TUSC3: variants seen among roughly 807,000 people sequenced by gnomAD.
The protein encoded by TUSC3 is tumor suppressor candidate 3, also known as dolichyl-diphosphooligosaccharide--protein glycosyltransferase subunit TUSC3.
TUSC3 carries 45 observed loss-of-function variants against 44.8 expected under a neutral mutation model. The observed-to-expected ratio is 1.00, with a 90% confidence interval of 0.79 to 1.29. The LOEUF (loss-of-function observed/expected upper bound fraction) is 1.29, where lower values mean the gene tolerates loss of function less well. TUSC3 is among the 50% of genes most tolerant of loss of function. The pLI is 0.00. For missense variants in TUSC3, 519 were observed against 437.9 expected, an observed-to-expected ratio of 1.19 and a Z score of -1.65; for synonymous variants, 212 against 152.9, an observed-to-expected ratio of 1.39 and a Z score of -2.85.
At chr8:15,586,270 A>T (rs1403387378) in intron 1 of TUSC3, among the ~76,000 whole-genome samples, 4 of 152,150 alleles carry the variant, frequency 2.6e-5, no homozygotes, top group Non-Finnish European at 5.9e-5. Flanking sequence ...CAAACAGCTT[A>T]CCTTTGAGAG....
chr8:15,751,989 C>T, intron 9 of TUSC3, among the ~76,000 whole-genome samples: 1 of 152,090 alleles, frequency 6.6e-6, no homozygotes, highest in East Asian at 1.9e-4. Context: ...TTGTTAAATG[C>T]TTTATAGACA....
intron 6 of TUSC3, among the ~76,000 whole-genome samples, chr8:15,719,305 A>G (rs1810198512): frequency 6.6e-6 from 1 of 151,628 alleles, no homozygotes; most frequent in African/African-American, 2.4e-5. Flanking sequence ...TTCCCCCAGA[A>G]TCCATGTGAC....
chr8:15,519,528 C>G (rs549885348), intron 2 of TUSC3, among the ~76,000 whole-genome samples: 118 of 152,214 alleles, frequency 7.8e-4, no homozygotes, highest in African/African-American at 2.7e-3. Context: ...GCATTATGAC[C>G]TGGGCTCCTC....
chr8:15,590,457 C>G (rs17121681), intron 1 of TUSC3, among the ~76,000 whole-genome samples: 3,147 of 152,154 alleles, frequency 0.021, 95 homozygotes, highest in African/African-American at 0.07. Context: ...ACTTTCTTCT[C>G]TCTCCCAGCA....
chr8:15,482,793 A>G (rs1160906588), intron 1 of TUSC3, among the ~76,000 whole-genome samples: 3 of 152,228 alleles, frequency 2.0e-5, no homozygotes, highest in Non-Finnish European at 4.4e-5. Flanking sequence ...ATGGGAAAAA[A>G]TAGGAAAAAT....
At chr8:15,472,487 T>A (rs1047410966) in intron 1 of TUSC3, among the ~76,000 whole-genome samples, 1 of 152,198 alleles carries the variant, frequency 6.6e-6, no homozygotes, top group Non-Finnish European at 1.5e-5. Context: ...TTTCTTCCAT[T>A]AGAGGGAAAA....
intron 2 of TUSC3, among the ~76,000 whole-genome samples, chr8:15,515,746 C>T (rs912521699): frequency 6.6e-6 from 1 of 152,108 alleles, no homozygotes; most frequent in Non-Finnish European, 1.5e-5. Context: ...CGGCCCACTG[C>T]AACCTCTCCC....
At chr8:15,723,459 T>G (rs1028707061) in intron 6 of TUSC3, among the ~76,000 whole-genome samples, 2 of 152,196 alleles carry the variant, frequency 1.3e-5, no homozygotes, top group African/African-American at 4.8e-5. Context: ...GCACAAGATA[T>G]GTGCAGCCTC....
the TUSC3 span, among the ~76,000 whole-genome samples, chr8:15,811,659 T>C: frequency 2.6e-5 from 4 of 152,216 alleles, no homozygotes; most frequent in African/African-American, 9.6e-5. Flanking sequence ...AATTGACCTA[T>C]GAATTCAATT....
At chr8:15,846,965 G>A in the TUSC3 span, among the ~76,000 whole-genome samples, 1 of 151,838 alleles carries the variant, frequency 6.6e-6, no homozygotes, top group Non-Finnish European at 1.5e-5. Flanking sequence ...CACTCCACAG[G>A]CATGCCTAAC....
chr8:15,754,096 A>G lies in TUSC3; in HGVS notation c.1029-3695A>G, dbSNP rs1345580305. Among the ~76,000 whole-genome samples, 9 of 152,072 alleles carry G rather than the reference A, an allele frequency of 5.9e-5. No homozygotes were observed. The East Asian group carries it at 1.2e-3, about 20-fold the overall frequency. On this transcript the variant is annotated intron_variant, in intron 9 of 10. Coordinates refer to ENST00000503731, the MANE Select transcript of TUSC3 (RefSeq NM_006765.4). ...ACCAGCATTATATGACATGTTTTAAAAACTACTCACATCAGATAAAGGCAG... is the reference window on the plus strand; with the variant it reads ...ACCAGCATTATATGACATGTTTTAAGAACTACTCACATCAGATAAAGGCAG...
At chr8:15,663,685 CTT>C (rs1311429188) in intron 5 of TUSC3, among the ~76,000 whole-genome samples, 1 of 151,846 alleles carries the variant, frequency 6.6e-6, no homozygotes, top group African/African-American at 2.4e-5. Flanking sequence ...TGTTTTCTCA[CTT>C]TTGATGAATG....
intron 3 of TUSC3, among the ~76,000 whole-genome samples, chr8:15,656,400 A>G (rs767293027): frequency 1.3e-4 from 20 of 152,220 alleles, no homozygotes; most frequent in Non-Finnish European, 2.5e-4. Flanking sequence ...CAGGCATTGA[A>G]TAGACATTCC....
Position 15,757,815 on chromosome 8 carries a change from T to G in TUSC3, c.*6T>G, listed in dbSNP as rs199592673. The G allele has an allele frequency of 7.1e-7, 1 of 1,413,018 alleles. No homozygotes were observed. Among genetic ancestry groups the G allele is most frequent in the Non-Finnish European group, 1.0e-6 (1 of 996,742 alleles). 87.5% of individuals were successfully genotyped at this position (1,413,018 alleles called of 1,614,324 possible). A position where few individuals can be genotyped will look rare whatever the true frequency, so the allele number is the denominator to read the frequency against. On this transcript the variant is annotated 3_prime_UTR_variant, in exon 10 of 11. Transcript: ENST00000503731. ...GTGATCTGGACTTTGAGTGAGAAGA[T>G]GTGATTTGGACCATGGCACTTAAAA...
chr8:15,553,830 G>A (rs1802138835), intron 1 of TUSC3, among the ~76,000 whole-genome samples: 1 of 151,722 alleles, frequency 6.6e-6, no homozygotes, highest in Non-Finnish European at 1.5e-5. Context: ...AAGGTAGGAG[G>A]AAGGAATGGG....
chr8:15,462,455 G>C (rs960885798), intron 1 of TUSC3, among the ~76,000 whole-genome samples: 1 of 152,024 alleles, frequency 6.6e-6, no homozygotes, highest in Non-Finnish European at 1.5e-5. Flanking sequence ...ATTGCCCATG[G>C]TGGCAGAGTC....
chr8:15,816,171 G>A, the TUSC3 span, among the ~76,000 whole-genome samples: 2 of 152,130 alleles, frequency 1.3e-5, no homozygotes, highest in African/African-American at 4.8e-5. Flanking sequence ...GCTTCTATAA[G>A]GCTCTGTCTT....
chr8:15,678,022 G>T (rs933802215), intron 6 of TUSC3, among the ~76,000 whole-genome samples: 4 of 152,062 alleles, frequency 2.6e-5, no homozygotes, highest in Non-Finnish European at 4.4e-5. Context: ...GAGGGAAACT[G>T]AGTCTAGGAA....
chr8:15,667,291 C>G (rs1807705917), intron 5 of TUSC3, among the ~76,000 whole-genome samples: 1 of 151,104 alleles, frequency 6.6e-6, no homozygotes, highest in Non-Finnish European at 1.5e-5. Context: ...TTTTTTGTAA[C>G]TAAAGCAGTA....
Sources: allele counts gnomAD v4.1 joint callset (sites outside exome capture counted in the v4.1 genomes callset), GRCh38; gene constraint gnomAD v4.1.1; transcripts MANE v1.5; gene names NCBI Gene and HGNC (gene_info 2026-07-23, HGNC 2026-07-21).